RAB8B: variants seen among roughly 807,000 people sequenced by gnomAD.
RAB8B encodes the protein ras-related protein Rab-8B.
In RAB8B, 11 loss-of-function variants were observed where a neutral mutation model predicts 32.0. That is an observed-to-expected ratio of 0.34 (90% CI 0.22 to 0.57). RAB8B has a LOEUF of 0.57. Among genes scored for constraint, RAB8B ranks in the 20% least tolerant of loss-of-function variants. The pLI, the probability that RAB8B is intolerant of heterozygous loss-of-function variation, is 0.86. For synonymous variants in RAB8B, 103 were observed against 89.6 expected (o/e 1.15, Z -0.85); for missense variants, 190 against 258.5 (o/e 0.73, Z 1.82).
chr15:63,203,290 A>G (rs1195825264), intron 1 of RAB8B, among the ~76,000 whole-genome samples: 3 of 152,232 alleles, frequency 2.0e-5, no homozygotes, highest in African/African-American at 7.2e-5. Context: ...ACTCAAAATA[A>G]TGGTGTAGCT....
chr15:63,189,775 C>T (rs1267394737), intron 1 of RAB8B, 27 bp downstream of exon 1: 2 of 1,269,944 alleles, frequency 1.6e-6, no homozygotes, highest in East Asian at 3.0e-5. Context: ...GGCCCGGGAC[C>T]GGGTAGAGAA....
chr15:63,239,987 C>A (rs1156669342), intron 1 of RAB8B, among the ~76,000 whole-genome samples: 1 of 151,924 alleles, frequency 6.6e-6, no homozygotes, highest in Non-Finnish European at 1.5e-5. Flanking sequence ...GGAATGGCAT[C>A]CTCAGAGAAG....
chr15:63,197,059 G>A (rs1271350543), intron 1 of RAB8B, among the ~76,000 whole-genome samples: 1 of 152,168 alleles, frequency 6.6e-6, no homozygotes, highest in African/African-American at 2.4e-5. Flanking sequence ...AGCTGTGTTT[G>A]TGTCTGTGTT....
At chr15:63,209,861 A>G (rs1294439385) in intron 1 of RAB8B, among the ~76,000 whole-genome samples, 2 of 151,960 alleles carry the variant, frequency 1.3e-5, no homozygotes, top group East Asian at 3.9e-4. Flanking sequence ...TCAACCCGTC[A>G]TCTACATTAG....
At position 63,189,690 on chromosome 15, in the gene RAB8B, C is replaced by A; in HGVS notation, c.66C>A (p.Thr22=). Residue 22 remains threonine (T), a synonymous_variant, in exon 1 of 8, where the codon ACC becomes ACA. Coordinates refer to ENST00000321437, the MANE Select transcript of RAB8B (RefSeq NM_016530.3). ...TCGGCGACTCGGGGGTAGGCAAGACCTGCCTCCTGTTCCGCTTCTCAGAGG... is the reference window on the plus strand; with the variant it reads ...TCGGCGACTCGGGGGTAGGCAAGACATGCCTCCTGTTCCGCTTCTCAGAGG... The part of the protein sequence containing the change: ...LLIGDSGVGK[T]CLLFRFSEDA... 1 of 1,613,932 alleles carries A rather than the reference C, an allele frequency of 6.2e-7. No individual in the cohort carries two copies. The highest frequency in any genetic ancestry group is 8.5e-7 in the Non-Finnish European group (1 of 1,179,880).
intron 1 of RAB8B, among the ~76,000 whole-genome samples, chr15:63,241,923 G>C (rs1240104895): frequency 2.6e-5 from 4 of 151,954 alleles, no homozygotes; most frequent in African/African-American, 9.7e-5. Context: ...TAATATTTAT[G>C]CTGAGTTGCT....
chr15:63,250,255 G>A (rs184394321), intron 3 of RAB8B, among the ~76,000 whole-genome samples: 133 of 152,350 alleles, frequency 8.7e-4, no homozygotes, highest in African/African-American at 2.7e-3. Flanking sequence ...CACACATTCT[G>A]ATGTGATTGT....
At chr15:63,217,400 C>A (rs1259843625) in intron 1 of RAB8B, among the ~76,000 whole-genome samples, 1 of 152,104 alleles carries the variant, frequency 6.6e-6, no homozygotes, top group African/African-American at 2.4e-5. Context: ...GCAATTTAGA[C>A]ATTTAAGGAA....
At chr15:63,252,957 G>A (rs112196574) in intron 3 of RAB8B, among the ~76,000 whole-genome samples, 37,262 of 151,956 alleles carry the variant, frequency 0.25, 4,900 homozygotes, top group Admixed American at 0.33. Context: ...CATGTTGGCC[G>A]GGCTGGTCTC....
intron 1 of RAB8B, among the ~76,000 whole-genome samples, chr15:63,216,719 G>C (rs1389639397): frequency 1.3e-5 from 2 of 151,926 alleles, no homozygotes; most frequent in African/African-American, 4.8e-5. Context: ...AATTAGTCGG[G>C]CATGGTGGTG....
intron 1 of RAB8B, 105 bp downstream of exon 1, chr15:63,189,853 C>G: frequency 2.6e-6 from 3 of 1,153,148 alleles, no homozygotes; most frequent in Non-Finnish European, 3.3e-6. Context: ...GAGGAGACCC[C>G]GGGGACTGCA....
At chr15:63,229,809 A>T (rs2037920986) in intron 1 of RAB8B, among the ~76,000 whole-genome samples, 1 of 149,638 alleles carries the variant, frequency 6.7e-6, no homozygotes, top group South Asian at 2.1e-4. Context: ...AAAAAAAAAA[A>T]AGAAGCCAAA....
At chr15:63,225,710 C>G (rs1469699660) in intron 1 of RAB8B, among the ~76,000 whole-genome samples, 1 of 152,196 alleles carries the variant, frequency 6.6e-6, no homozygotes, top group African/African-American at 2.4e-5. Context: ...CCTTGAGACT[C>G]ATAACTTTTC....
At chr15:63,251,234 AT>A (rs1315459052) in intron 3 of RAB8B, 2 of 455,464 alleles carry the variant, frequency 4.4e-6, no homozygotes, top group African/African-American at 4.0e-5. Context: ...GAAGGGGCTT[AT>A]TATATGTGCC....
At chr15:63,238,176 A>G (rs1441326274) in intron 1 of RAB8B, among the ~76,000 whole-genome samples, 2 of 152,036 alleles carry the variant, frequency 1.3e-5, no homozygotes, top group Admixed American at 6.6e-5. Flanking sequence ...TTTGACCTGA[A>G]GGATAATGTC....
chr15:63,197,096 G>A (rs1360839386), intron 1 of RAB8B, among the ~76,000 whole-genome samples: 4 of 151,988 alleles, frequency 2.6e-5, no homozygotes, highest in African/African-American at 9.7e-5. Context: ...TGAGTGACAG[G>A]GTAGTGAGTG....
At chr15:63,193,428 C>G (rs1249318775) in intron 1 of RAB8B, among the ~76,000 whole-genome samples, 1 of 152,098 alleles carries the variant, frequency 6.6e-6, no homozygotes, top group Non-Finnish European at 1.5e-5. Context: ...AATTATTGGT[C>G]AAGTGCCTAG....
chr15:63,207,568 G>GT (rs893926317), intron 1 of RAB8B, among the ~76,000 whole-genome samples: 98 of 148,958 alleles, frequency 6.6e-4, no homozygotes, highest in African/African-American at 1.2e-3. Flanking sequence ...TTGTTTTTTT[G>GT]TTTTTTTTTG....
chr15:63,202,089 TAAAAAAAAAAAAAAAA>T lies in RAB8B; in HGVS notation c.124+12356_124+12371del, dbSNP rs146981058. 5.8e-5 allele frequency among the ~76,000 whole-genome samples: 5 copies of T among 85,748 alleles called. No homozygotes were observed. In the East Asian group the frequency reaches 1.6e-3, roughly 28 times the overall value. 56.3% of individuals were successfully genotyped at this position (85,748 alleles called of 152,430 possible). A position where few individuals can be genotyped will look rare whatever the true frequency, so the allele number is the denominator to read the frequency against. The stretch of plus-strand genomic sequence containing the variant: ...TAACACGGTGAAACCCCGTCTCTAC[TAAAAAAAAAAAAAAAA>T]AAAAAAAAAAAAAATACAAAAAATT... On this transcript the variant is annotated intron_variant, in intron 1 of 7. Transcript: ENST00000321437.
Sources: gnomAD v4.1 joint callset for allele counts (sites outside exome capture counted in the v4.1 genomes callset) on GRCh38, gnomAD v4.1.1 for gene constraint, MANE v1.5 for transcripts, NCBI Gene and HGNC (gene_info 2026-07-23, HGNC 2026-07-21) for gene names.